The following CFAP47 variants were observed in gnomAD, a reference collection of about 807,000 sequenced individuals.
CFAP47 encodes the protein cilia and flagella associated protein 47.
Under a neutral mutation model 148.1 loss-of-function variants are expected in CFAP47, and 29 were observed. The observed-to-expected ratio is 0.20, with a 90% confidence interval of 0.15 to 0.27. CFAP47 has a LOEUF of 0.27. Among genes scored for constraint, CFAP47 ranks in the 10% least tolerant of loss-of-function variants. The pLI is 1.00. For missense variants in CFAP47, 1,872 were observed against 1,697.5 expected (o/e 1.10, Z -1.81); for synonymous variants, 664 against 577.3 (o/e 1.15, Z -2.15).
intron 42 of CFAP47, among the ~76,000 whole-genome samples, chrX:36,199,431 T>C (rs1555987655): frequency 3.6e-5 from 4 of 112,157 alleles, no homozygotes. Flanking sequence ...GTTTTTGCCT[T>C]ATCTCTTTAG....
intron 18 of CFAP47, among the ~76,000 whole-genome samples, chrX:35,996,949 C>T (rs906724348): frequency 8.9e-6 from 1 of 111,870 alleles, no homozygotes; most frequent in Non-Finnish European, 1.9e-5. Context: ...AAGATATATA[C>T]TGCAACCATT....
chrX:36,363,033 T>C (rs1941842435), intron 61 of CFAP47, among the ~76,000 whole-genome samples: 1 of 111,880 alleles, frequency 8.9e-6, no homozygotes, highest in Admixed American at 9.5e-5. Context: ...AATGTGAATT[T>C]ATACTCATGA....
chrX:35,923,593 G>A (rs550175083), intron 1 of CFAP47, among the ~76,000 whole-genome samples: 1 of 109,868 alleles, frequency 9.1e-6, no homozygotes, highest in South Asian at 3.9e-4. Flanking sequence ...AGGCCGAGGC[G>A]GGCAGATCAC....
intron 37 of CFAP47, among the ~76,000 whole-genome samples, chrX:36,151,995 A>G: frequency 9.0e-6 from 1 of 110,781 alleles, no homozygotes; most frequent in East Asian, 2.9e-4. Context: ...AGGCAACTCT[A>G]TGGGGCTTCT....
At chrX:36,282,741 T>A (rs1185233407) in intron 50 of CFAP47, among the ~76,000 whole-genome samples, 2 of 112,096 alleles carry the variant, frequency 1.8e-5, no homozygotes, top group Admixed American at 9.5e-5. Context: ...TACCCATTTT[T>A]AATGAGAATC....
At chrX:36,157,045 A>G (rs1241012065) in intron 37 of CFAP47, among the ~76,000 whole-genome samples, 1 of 109,972 alleles carries the variant, frequency 9.1e-6, no homozygotes, top group East Asian at 2.8e-4. Context: ...ACCAGATCCT[A>G]TCGATTTTAC....
intron 15 of CFAP47, chrX:35,986,052 G>A (rs1490717415): frequency 4.2e-6 from 1 of 238,201 alleles, no homozygotes; most frequent in African/African-American, 2.9e-5. Context: ...TCTGAAATTT[G>A]AACTAGGAAG....
chrX:36,004,151 T>A (rs1936953345), intron 21 of CFAP47, among the ~76,000 whole-genome samples: 1 of 107,692 alleles, frequency 9.3e-6, no homozygotes, highest in African/African-American at 3.4e-5. Context: ...TTTTGTATAT[T>A]TTTTTAGTAG....
chrX:36,144,876 C>T (rs1218983515), intron 35 of CFAP47: 7 of 976,202 alleles, frequency 7.2e-6, no homozygotes, highest in Admixed American at 2.9e-5. Flanking sequence ...TTTCAGCCTT[C>T]GGCCTCAGAA....
At chrX:35,997,510 C>T (rs1376044845) in intron 19 of CFAP47, 121 bp downstream of exon 19, 8 of 244,054 alleles carry the variant, frequency 3.3e-5, no homozygotes. Context: ...TTAAAAATTA[C>T]TATATACAAA....
chrX:36,343,775 A>G (rs1251340244), intron 57 of CFAP47, among the ~76,000 whole-genome samples: 2 of 111,453 alleles, frequency 1.8e-5, no homozygotes, highest in African/African-American at 6.5e-5. Flanking sequence ...AAAACCATAG[A>G]AAATAAAACT....
intron 9 of CFAP47, 100 bp from the exon 10 acceptor site, chrX:35,967,519 T>A (rs1936424071): frequency 1.8e-6 from 1 of 545,282 alleles, no homozygotes; most frequent in South Asian, 4.2e-5. Context: ...AGCATTTAAG[T>A]TAGAATCAAT....
chrX:36,200,939 CT>C (rs1223077147), intron 43 of CFAP47, among the ~76,000 whole-genome samples: 19 of 107,027 alleles, frequency 1.8e-4, no homozygotes, highest in Middle Eastern at 4.9e-3. Context: ...TGACAGGTGT[CT>C]TTTTTTTTTC....
At chrX:36,265,923 AAGTTGTGTAT>A (rs1321916697) in intron 49 of CFAP47, among the ~76,000 whole-genome samples, 1 of 111,528 alleles carries the variant, frequency 9.0e-6, no homozygotes, top group Non-Finnish European at 1.9e-5. Context: ...ACTGCGGTAC[AAGTTGTGTAT>A]AGTTGAATGA....
intron 8 of CFAP47, among the ~76,000 whole-genome samples, chrX:35,960,986 G>C: frequency 8.9e-6 from 1 of 111,862 alleles, no homozygotes; most frequent in Non-Finnish European, 1.9e-5. Flanking sequence ...CATGTTAGCT[G>C]TAAGTTTTTC....
chrX:36,361,268 T>C, intron 60 of CFAP47, 62 bp from the exon 61 acceptor site: 1 of 629,498 alleles, frequency 1.6e-6, no homozygotes, highest in South Asian at 2.9e-5. Flanking sequence ...TGACAGGTAA[T>C]TGATATTAAA....
At chrX:36,217,104 G>T (rs1488500686) in intron 45 of CFAP47, among the ~76,000 whole-genome samples, 1 of 111,994 alleles carries the variant, frequency 8.9e-6, no homozygotes, top group Non-Finnish European at 1.9e-5. Flanking sequence ...TGGCTTGGAG[G>T]TTAGAAGAAA....
intron 57 of CFAP47, among the ~76,000 whole-genome samples, chrX:36,325,503 G>A (rs145755988): frequency 6.1e-3 from 685 of 111,639 alleles, no homozygotes; most frequent in African/African-American, 0.021. Flanking sequence ...TCACTGTTAC[G>A]GAATAGTTTT....
intron 3 of CFAP47, 120 bp from the exon 4 acceptor site, chrX:35,948,194 C>T: frequency 1.8e-6 from 1 of 555,663 alleles, no homozygotes. Context: ...GCATGTGGCC[C>T]ATGGGCCATG....
Sources: gnomAD v4.1 joint callset for allele counts (sites outside exome capture counted in the v4.1 genomes callset) on GRCh38, gnomAD v4.1.1 for gene constraint, MANE v1.5 for transcripts, NCBI Gene and HGNC (gene_info 2026-07-23, HGNC 2026-07-21) for gene names.